The following PCDHA12 variants were observed in gnomAD, a reference collection of about 807,000 sequenced individuals.
The protein encoded by PCDHA12 is protocadherin alpha-12.
PCDHA12 carries 44 observed loss-of-function variants against 60.0 expected under a neutral mutation model. That is an observed-to-expected ratio of 0.73 (90% CI 0.58 to 0.94). The LOEUF (loss-of-function observed/expected upper bound fraction) is 0.94, where lower values mean the gene tolerates loss of function less well. Ranked by LOEUF, PCDHA12 falls within the 40% of genes least tolerant of loss-of-function variation. The pLI is 0.00. For missense variants in PCDHA12, 1,276 were observed against 1,239.7 expected, an observed-to-expected ratio of 1.03 and a Z score of -0.44; for synonymous variants, 569 against 553.0, an observed-to-expected ratio of 1.03 and a Z score of -0.40.
chr5:140,967,774 G>C (rs1447955993), intron 1 of PCDHA12: 3 of 1,614,106 alleles, frequency 1.9e-6, no homozygotes, highest in Non-Finnish European at 1.7e-6. Context: ...TCTATGTGCA[G>C]GCGACTGACC....
intron 1 of PCDHA12, chr5:140,966,896 C>G (rs910624863): frequency 6.3e-6 from 10 of 1,596,816 alleles, no homozygotes; most frequent in Non-Finnish European, 8.5e-6. Flanking sequence ...GGCCTCCCAG[C>G]TGCGATACTC....
intron 1 of PCDHA12, chr5:140,884,452 C>G (rs1203873823): frequency 6.2e-7 from 1 of 1,613,664 alleles, no homozygotes; most frequent in African/African-American, 1.3e-5. Context: ...CACCGCCCAC[C>G]GAGGGCGCGT....
At chr5:140,966,709 G>T in intron 1 of PCDHA12, 2 of 1,387,174 alleles carry the variant, frequency 1.4e-6, no homozygotes, top group Non-Finnish European at 1.9e-6. Flanking sequence ...CGTGGGGCAC[G>T]GCTGGGGAAG....
intron 1 of PCDHA12, chr5:140,929,180 G>C (rs782260576): frequency 2.7e-5 from 44 of 1,614,150 alleles, no homozygotes; most frequent in Non-Finnish European, 3.7e-5. Flanking sequence ...CTGGGACTTG[G>C]TTCTGATAAT....
rs1237282908 is a variant in PCDHA12, at chr5:140,877,400, C to T, written c.1928C>T (p.Pro643Leu). ...TTRILDEADAPRHRLLVLVKD... is the reference protein window; with the variant it reads ...TTRILDEADALRHRLLVLVKD... ...CGCATCCTGGATGAGGCGGACGCTC[C>T]GCGCCACCGCCTGCTGGTGCTGGTG... Residue 643 changes from proline to leucine, a missense_variant, in exon 1 of 4, where the codon CCG becomes CTG. Coordinates refer to ENST00000398631, the MANE Select transcript of PCDHA12 (RefSeq NM_018903.4). The T allele has an allele frequency of 7.4e-6, 12 of 1,613,804 alleles. No homozygotes were observed. The Admixed American group carries it at 1.8e-4, about 25-fold the overall frequency.
At chr5:140,893,762 T>A (rs1337056301) in intron 1 of PCDHA12, among the ~76,000 whole-genome samples, 1 of 152,196 alleles carries the variant, frequency 6.6e-6, no homozygotes, top group Non-Finnish European at 1.5e-5. Context: ...TATAGGTGAC[T>A]TGTCACTTTT....
chr5:140,964,579 G>A (rs2095841483), intron 1 of PCDHA12, among the ~76,000 whole-genome samples: 1 of 152,090 alleles, frequency 6.6e-6, no homozygotes, highest in Non-Finnish European at 1.5e-5. Flanking sequence ...ATAAGGGGAG[G>A]AAAGATCACT....
chr5:140,880,147 A>G (rs986031880), intron 1 of PCDHA12, among the ~76,000 whole-genome samples: 1 of 152,254 alleles, frequency 6.6e-6, no homozygotes, highest in African/African-American at 2.4e-5. Context: ...AAAGTGCAAT[A>G]TATCAAGTAT....
intron 1 of PCDHA12, among the ~76,000 whole-genome samples, chr5:140,959,240 G>A (rs1554223957): frequency 1.3e-5 from 2 of 152,074 alleles, no homozygotes; most frequent in African/African-American, 4.8e-5. Flanking sequence ...ATCTGGGCAT[G>A]ATAGTGCATG....
intron 1 of PCDHA12, among the ~76,000 whole-genome samples, chr5:140,896,526 A>G (rs1554186988): frequency 6.9e-6 from 1 of 144,852 alleles, no homozygotes; most frequent in African/African-American, 2.5e-5. Context: ...CACAAAGCCC[A>G]GCTATTTTTC....
chr5:140,893,205 T>A (rs192969362), intron 1 of PCDHA12, among the ~76,000 whole-genome samples: 1 of 152,338 alleles, frequency 6.6e-6, no homozygotes, highest in East Asian at 1.9e-4. Context: ...CTGCAGTAAG[T>A]ATGGGAGGTG....
intron 3 of PCDHA12, among the ~76,000 whole-genome samples, chr5:141,007,652 A>T (rs2098338412): frequency 6.6e-6 from 1 of 152,112 alleles, no homozygotes; most frequent in African/African-American, 2.4e-5. Flanking sequence ...TGCCTAAAAA[A>T]CCATAAATTT....
At chr5:140,950,429 T>TGTA (rs1554219455) in intron 1 of PCDHA12, among the ~76,000 whole-genome samples, 5 of 151,900 alleles carry the variant, frequency 3.3e-5, no homozygotes, top group African/African-American at 1.2e-4. Flanking sequence ...TTCTTCCACT[T>TGTA]AAAAAAAATG....
At chr5:140,988,424 G>C (rs1563549055) in intron 3 of PCDHA12, among the ~76,000 whole-genome samples, 1 of 152,158 alleles carries the variant, frequency 6.6e-6, no homozygotes, top group Non-Finnish European at 1.5e-5. Context: ...TAAAGAATTT[G>C]TTTGTTTTGG....
intron 3 of PCDHA12, among the ~76,000 whole-genome samples, chr5:141,009,296 T>A (rs889577032): frequency 3.3e-4 from 50 of 152,004 alleles, no homozygotes; most frequent in Non-Finnish European, 5.3e-4. Context: ...TTCTATAAAA[T>A]TTTTTTTAAA....
Position 140,967,279 on chromosome 5 carries a change from T to G in PCDHA12, c.2368-11670T>G, listed in dbSNP as rs184476796. The G allele has an allele frequency of 7.8e-5, 126 of 1,613,002 alleles. 1 individual carries two copies. The East Asian group carries it at 2.6e-3, about 34-fold the overall frequency. On this transcript the variant is annotated intron_variant, in intron 1 of 3. Coordinates refer to ENST00000398631, the MANE Select transcript of PCDHA12 (RefSeq NM_018903.4). ...CTGGAGCGCGCTTTCACATAGAGAGTGCGCAGGACCCCGACGTGGGCGCCA... is the reference window on the plus strand; with the variant it reads ...CTGGAGCGCGCTTTCACATAGAGAGGGCGCAGGACCCCGACGTGGGCGCCA...
At chr5:140,905,620 T>G (rs1417322136) in intron 1 of PCDHA12, among the ~76,000 whole-genome samples, 2 of 152,210 alleles carry the variant, frequency 1.3e-5, no homozygotes, top group African/African-American at 4.8e-5. Context: ...ATAGATTGCT[T>G]TTGACAGTAT....
intron 1 of PCDHA12, among the ~76,000 whole-genome samples, chr5:140,965,769 A>G (rs571022357): frequency 2.0e-5 from 3 of 152,376 alleles, no homozygotes; most frequent in Admixed American, 2.0e-4. Flanking sequence ...GTCAAATAAT[A>G]GATTTGCCTA....
At chr5:140,925,971 A>C (rs2082843743) in intron 1 of PCDHA12, among the ~76,000 whole-genome samples, 1 of 152,190 alleles carries the variant, frequency 6.6e-6, no homozygotes, top group African/African-American at 2.4e-5. Flanking sequence ...ACGCAAAAAA[A>C]AAGCCTTGAG....
Sources: allele counts gnomAD v4.1 joint callset (sites outside exome capture counted in the v4.1 genomes callset), GRCh38; gene constraint gnomAD v4.1.1; transcripts MANE v1.5; gene names NCBI Gene and HGNC (gene_info 2026-07-23, HGNC 2026-07-21).